The following FHIT variants were observed in gnomAD, a reference collection of about 807,000 sequenced individuals.
FHIT encodes the protein fragile histidine triad diadenosine triphosphatase.
Under a neutral mutation model 17.9 loss-of-function variants are expected in FHIT, and 19 were observed. The observed-to-expected ratio is 1.06, with a 90% CI of 0.74 to 1.56. The LOEUF (loss-of-function observed/expected upper bound fraction) is 1.56, where lower values mean the gene tolerates loss of function less well. FHIT is among the 40% of genes most tolerant of loss of function. The pLI, the probability that FHIT is intolerant of heterozygous loss-of-function variation, is 0.00. For synonymous variants in FHIT, 81 were observed against 69.7 expected (o/e 1.16, Z -0.81); for missense variants, 248 against 189.2 (o/e 1.31, Z -1.82).
intron 4 of FHIT, among the ~76,000 whole-genome samples, chr3:60,706,906 C>A (rs901931924): frequency 1.3e-5 from 2 of 152,196 alleles, no homozygotes; most frequent in African/African-American, 4.8e-5. Flanking sequence ...GTGGCACTTA[C>A]ATCTTTTCTC....
chr3:60,739,670 C>T (rs1330163045), intron 4 of FHIT, among the ~76,000 whole-genome samples: 1 of 152,154 alleles, frequency 6.6e-6, no homozygotes, highest in East Asian at 1.9e-4. Flanking sequence ...ATTATAACAA[C>T]CAAAAAGTCT....
intron 7 of FHIT, among the ~76,000 whole-genome samples, chr3:59,965,186 A>G (rs377173257): frequency 2.6e-5 from 4 of 152,150 alleles, no homozygotes; most frequent in Admixed American, 1.3e-4. Flanking sequence ...TTATTAAAAC[A>G]TTACTTTCTA....
chr3:60,661,697 C>G (rs1407639483), intron 4 of FHIT, among the ~76,000 whole-genome samples: 1 of 152,176 alleles, frequency 6.6e-6, no homozygotes, highest in Non-Finnish European at 1.5e-5. Context: ...CTTTTCACCA[C>G]ATCCCCACCA....
Position 61,058,054 on chromosome 3 carries a change from G to GA in FHIT, c.-163-15956dup, listed in dbSNP as rs796797449. ...ACCTAGCAAGTTCTTTAATATCACA[G>GA]AAAAAAAAAAGACAAAACAACACCT... On this transcript the variant is annotated intron_variant, in intron 2 of 9. Coordinates refer to ENST00000492590, the MANE Select transcript of FHIT (RefSeq NM_002012.4). 9.6e-4 allele frequency among the ~76,000 whole-genome samples: 141 copies of GA among 146,738 alleles called. 1 individual carries two copies. Among genetic ancestry groups the GA allele is most frequent in the African/African-American group, 2.7e-3 (108 of 40,122 alleles).
Position 59,954,782 on chromosome 3 carries a change from G to A in FHIT, c.280-32368C>T, listed in dbSNP as rs532050629. ...TACTGAAGGTTTCAGAATGCTAGGA[G>A]GGACCAGGGAGATGGTTTATTCCAA... On this transcript the variant is annotated intron_variant, in intron 7 of 9. Coordinates refer to ENST00000492590, the MANE Select transcript of FHIT (RefSeq NM_002012.4). Among the ~76,000 whole-genome samples, 5 of 152,290 alleles carry A rather than the reference G, an allele frequency of 3.3e-5. No individual in the cohort carries two copies. The East Asian group carries it at 7.7e-4, about 24-fold the overall frequency.
At chr3:60,377,483 T>A (rs1700617102) in intron 5 of FHIT, among the ~76,000 whole-genome samples, 1 of 125,218 alleles carries the variant, frequency 8.0e-6, no homozygotes, top group Admixed American at 8.1e-5. Flanking sequence ...TTTTTTTTTT[T>A]TTTTTTTTTG....
rs534444528 is a variant in FHIT at position 59,898,224 on chromosome 3, G to A, written c.348+24122C>T. On this transcript the variant is annotated intron_variant, in intron 8 of 9. Coordinates refer to ENST00000492590, the MANE Select transcript of FHIT (RefSeq NM_002012.4). ...ACAATTATCTTCAGGCTATTTGTAC[G>A]AGGTCCATATAAGACATAAACAAAT... 4.6e-5 allele frequency among the ~76,000 whole-genome samples: 7 copies of A among 152,176 alleles called. No individual in the cohort carries two copies. The East Asian group carries it at 5.8e-4, about 13-fold the overall frequency.
At chr3:60,294,218 G>A (rs968439169) in intron 5 of FHIT, among the ~76,000 whole-genome samples, 18 of 152,032 alleles carry the variant, frequency 1.2e-4, no homozygotes, top group African/African-American at 4.1e-4. Context: ...AACAGACCAC[G>A]CAAAGCACAT....
At chr3:60,738,370 T>A (rs1320612579) in intron 4 of FHIT, among the ~76,000 whole-genome samples, 1 of 152,228 alleles carries the variant, frequency 6.6e-6, no homozygotes, top group East Asian at 1.9e-4. Flanking sequence ...GGCCCCAAAA[T>A]GGTCCCTGCC....
intron 5 of FHIT, among the ~76,000 whole-genome samples, chr3:60,238,386 A>G (rs1041951171): frequency 6.6e-6 from 1 of 151,704 alleles, no homozygotes; most frequent in South Asian, 2.1e-4. Context: ...AGAATGAAAT[A>G]AAAGAAAGCC....
intron 5 of FHIT, among the ~76,000 whole-genome samples, chr3:60,093,297 TCTTC>T (rs1703806279): frequency 6.6e-6 from 1 of 152,180 alleles, no homozygotes; most frequent in Non-Finnish European, 1.5e-5. Context: ...GCTCGTGGCC[TCTTC>T]CTTCATCTTT....
At chr3:59,887,547 T>C (rs1447042173) in intron 8 of FHIT, among the ~76,000 whole-genome samples, 3 of 152,218 alleles carry the variant, frequency 2.0e-5, no homozygotes, top group Non-Finnish European at 2.9e-5. Flanking sequence ...AACAGGGTAC[T>C]AATTAGCAGT....
intron 3 of FHIT, among the ~76,000 whole-genome samples, chr3:60,846,629 A>T (rs1203246013): frequency 6.6e-6 from 1 of 152,208 alleles, no homozygotes; most frequent in Admixed American, 6.5e-5. Context: ...TACAGATATT[A>T]GGGTATTCAA....
chr3:60,911,764 C>A (rs1706756804), intron 3 of FHIT, among the ~76,000 whole-genome samples: 1 of 152,102 alleles, frequency 6.6e-6, no homozygotes. Context: ...AAACCTCTAA[C>A]AGTAGTAGCT....
chr3:61,243,018 G>A (rs2040408619), intron 1 of FHIT, among the ~76,000 whole-genome samples: 1 of 152,122 alleles, frequency 6.6e-6, no homozygotes, highest in South Asian at 2.1e-4. Context: ...AGTCCTAGGG[G>A]GTTTGGGAAA....
intron 3 of FHIT, among the ~76,000 whole-genome samples, chr3:60,972,886 T>A (rs564500120): frequency 6.6e-6 from 1 of 152,326 alleles, no homozygotes; most frequent in South Asian, 2.1e-4. Context: ...CTTACTGTAA[T>A]TTTAACTTTC....
chr3:60,869,743 A>G (rs1290489049), intron 3 of FHIT, among the ~76,000 whole-genome samples: 2 of 152,152 alleles, frequency 1.3e-5, no homozygotes, highest in African/African-American at 4.8e-5. Context: ...GCCACCCCAG[A>G]AGTGCCAAGA....
chr3:60,989,147 T>C (rs2107577121), intron 3 of FHIT, among the ~76,000 whole-genome samples: 1 of 152,128 alleles, frequency 6.6e-6, no homozygotes, highest in African/African-American at 2.4e-5. Context: ...AACACAGTTC[T>C]TCTAAGACAT....
intron 5 of FHIT, among the ~76,000 whole-genome samples, chr3:60,488,698 G>GTA (rs547553137): frequency 1.9e-3 from 295 of 152,198 alleles, no homozygotes; most frequent in African/African-American, 6.9e-3. Flanking sequence ...ATGTTGCCTA[G>GTA]TATACATAAA....
Sources: gnomAD v4.1 joint callset for allele counts (sites outside exome capture counted in the v4.1 genomes callset) on GRCh38, gnomAD v4.1.1 for gene constraint, MANE v1.5 for transcripts, NCBI Gene and HGNC (gene_info 2026-07-23, HGNC 2026-07-21) for gene names.